Variants in LSMEM2 observed in about 807,000 individuals in gnomAD.
The protein encoded by LSMEM2 is leucine rich single-pass membrane protein 2, also known as leucine-rich single-pass membrane protein 2.
In LSMEM2, 20 loss-of-function variants were observed where a neutral mutation model predicts 17.3. The ratio of observed to expected loss-of-function variants is 1.16; its 90% confidence interval spans 0.81 to 1.68. LSMEM2 has a LOEUF of 1.68. LSMEM2 is among the 40% of genes most tolerant of loss of function. The pLI, the probability that LSMEM2 is intolerant of heterozygous loss-of-function variation, is 0.00. For synonymous variants in LSMEM2, 94 were observed against 97.8 expected, an observed-to-expected ratio of 0.96 and a Z score of 0.23; for missense variants, 207 against 214.3, an observed-to-expected ratio of 0.97 and a Z score of 0.21.
At chr3:50,283,777 C>A (rs1701454014) in intron 1 of LSMEM2, among the ~76,000 whole-genome samples, 1 of 152,126 alleles carries the variant, frequency 6.6e-6, no homozygotes, top group Non-Finnish European at 1.5e-5. Flanking sequence ...CCAGCCAGGG[C>A]AACAGAGACT....
chr3:50,285,859 C>T (rs965102299), intron 1 of LSMEM2, among the ~76,000 whole-genome samples: 5 of 151,814 alleles, frequency 3.3e-5, no homozygotes, highest in African/African-American at 4.8e-5. Flanking sequence ...AAAAGGGGGG[C>T]GGGGACTGCA....
intron 1 of LSMEM2, among the ~76,000 whole-genome samples, chr3:50,282,147 C>T (rs887596406): frequency 3.9e-5 from 6 of 152,188 alleles, no homozygotes; most frequent in Non-Finnish European, 5.9e-5. Context: ...CCACCATGCC[C>T]GGCCCTAATC....
chr3:50,280,006 CT>C (rs1575480521), intron 1 of LSMEM2, among the ~76,000 whole-genome samples: 2 of 151,306 alleles, frequency 1.3e-5, no homozygotes, highest in African/African-American at 2.4e-5. Flanking sequence ...TCCCAAGTAG[CT>C]GGGATTACAG....
At chr3:50,282,417 G>C (rs1269925273) in intron 1 of LSMEM2, among the ~76,000 whole-genome samples, 2 of 152,214 alleles carry the variant, frequency 1.3e-5, no homozygotes, top group African/African-American at 4.8e-5. Context: ...TGGAGGTTGA[G>C]TTACTGTCCT....
intron 1 of LSMEM2, among the ~76,000 whole-genome samples, chr3:50,284,436 T>A (rs1354629279): frequency 6.6e-6 from 1 of 150,932 alleles, no homozygotes; most frequent in Non-Finnish European, 1.5e-5. Context: ...GTAATAGCTT[T>A]AAAAAAAATC....
chr3:50,280,599 T>C (rs1324139597), intron 1 of LSMEM2, among the ~76,000 whole-genome samples: 32 of 149,980 alleles, frequency 2.1e-4, no homozygotes, highest in African/African-American at 7.3e-4. Context: ...TCTTTTCTTT[T>C]TTTTTTTTTT....
chr3:50,287,094 C>G lies in LSMEM2; in HGVS notation c.387C>G (p.Ile129Met). The G allele has an allele frequency of 6.2e-7, 1 of 1,614,172 alleles. No individual in the cohort carries two copies. The highest frequency in any genetic ancestry group is 8.5e-7 in the Non-Finnish European group (1 of 1,180,026). ...TGCTGCAGAGTGAATCCCTGCGCATCCTGGCACACACGCTCCGCACGCAGG... is the reference window on the plus strand; with the variant it reads ...TGCTGCAGAGTGAATCCCTGCGCATGCTGGCACACACGCTCCGCACGCAGG... ...LSVLQSESLR[I>M]LAHTLRTQEE... Residue 129 changes from isoleucine to methionine, a missense_variant, in exon 4 of 4, where the codon ATC becomes ATG. Ile to Met is a conservative substitution (Grantham distance 10). Coordinates refer to ENST00000316436, the MANE Select transcript of LSMEM2 (RefSeq NM_153215.3).
chr3:50,283,199 A>G (rs893461432), intron 1 of LSMEM2, among the ~76,000 whole-genome samples: 1 of 147,224 alleles, frequency 6.8e-6, no homozygotes, highest in African/African-American at 2.5e-5. Flanking sequence ...CAAACAAACA[A>G]ACGAAACACC....
At position 50,287,156 on chromosome 3, in the gene LSMEM2, G is replaced by A. The variant is rs1701569492; in HGVS notation, c.449G>A (p.Ser150Asn). 1 of 1,614,004 alleles carries A rather than the reference G, an allele frequency of 6.2e-7. No individual in the cohort carries two copies. The highest frequency in any genetic ancestry group is 1.3e-5 in the African/African-American group (1 of 74,892). ...CTCAAACTCCGCTTGGCCAGCCTCA[G>A]CCAGCTTCGGAGGCTCAACTCCAGT... ...TLLKLRLASL[S>N]QLRRLNSSEA... Residue 150 changes from serine (S) to asparagine (N), a missense_variant, in exon 4 of 4, where the codon AGC (serine) becomes AAC (asparagine). By Grantham distance (46) the Ser-to-Asn change is conservative. Coordinates refer to ENST00000316436, the MANE Select transcript of LSMEM2 (RefSeq NM_153215.3).
Position 50,287,278 on chromosome 3 carries a change from C to T in LSMEM2, c.*76C>T. 4.5e-6 allele frequency: 7 copies of T among 1,549,408 alleles called. No homozygotes were observed. Among genetic ancestry groups the T allele is most frequent in the Admixed American group, 1.7e-5 (1 of 57,402 alleles). On this transcript the variant is annotated 3_prime_UTR_variant, in exon 4 of 4. Coordinates refer to ENST00000316436, the MANE Select transcript of LSMEM2 (RefSeq NM_153215.3). Reference sequence around the variant, plus strand: ...GTGGCTATGGGCAGGTCTCTCCTTCCCTACTGCTGGCTGCCACATCTACAC... The same window carrying T: ...GTGGCTATGGGCAGGTCTCTCCTTCTCTACTGCTGGCTGCCACATCTACAC...
chr3:50,287,441 G>T lies in LSMEM2; in HGVS notation c.*239G>T. 1 of 579,962 alleles carries T rather than the reference G, an allele frequency of 1.7e-6. No homozygotes were observed. The highest frequency in any genetic ancestry group is 2.0e-5 in the South Asian group (1 of 49,330). 35.9% of individuals were successfully genotyped at this position (579,962 alleles called of 1,614,324 possible). A position where few individuals can be genotyped will look rare whatever the true frequency, so the allele number is the denominator to read the frequency against. ...TTTGGGTGGCCCAAGGTCAGGGGAA[G>T]GGGCACCAGCCTCCTGGCTCCTCCT... On this transcript the variant is annotated 3_prime_UTR_variant, in exon 4 of 4. Transcript: ENST00000316436.
At chr3:50,281,937 C>T (rs587631483) in intron 1 of LSMEM2, among the ~76,000 whole-genome samples, 7 of 151,990 alleles carry the variant, frequency 4.6e-5, no homozygotes, top group African/African-American at 1.7e-4. Context: ...CTGCAAGCTC[C>T]GCCTCCTGGG....
chr3:50,282,632 C>G (rs1175226806), intron 1 of LSMEM2, among the ~76,000 whole-genome samples: 2 of 152,138 alleles, frequency 1.3e-5, no homozygotes, highest in Non-Finnish European at 2.9e-5. Flanking sequence ...TGCCTGTAAA[C>G]CCAGCACTTT....
chr3:50,279,918 C>T lies in LSMEM2; in HGVS notation c.58+747C>T, dbSNP rs149828987. Among the ~76,000 whole-genome samples, 841 of 152,078 alleles carry T rather than the reference C, an allele frequency of 5.5e-3. 8 individuals are homozygous for T. Among genetic ancestry groups the T allele is most frequent in the African/African-American group, 0.019 (794 of 41,452 alleles). On this transcript the variant is annotated intron_variant, in intron 1 of 3. Coordinates refer to ENST00000316436, the MANE Select transcript of LSMEM2 (RefSeq NM_153215.3). ...TGAGATGGAATCTCGCTCTGTCACCCAGGCCGGAGTACAGTGGCGTGATCT... is the reference window on the plus strand; with the variant it reads ...TGAGATGGAATCTCGCTCTGTCACCTAGGCCGGAGTACAGTGGCGTGATCT...
intron 1 of LSMEM2, among the ~76,000 whole-genome samples, chr3:50,280,199 G>A (rs1266650494): frequency 4.0e-4 from 20 of 50,518 alleles, no homozygotes; most frequent in Non-Finnish European, 6.1e-4. Flanking sequence ...TTGTCACCCA[G>A]GCTGGAGTGC....
chr3:50,279,015 C>T, upstream of LSMEM2: 3 of 1,289,616 alleles, frequency 2.3e-6, no homozygotes, highest in Non-Finnish European at 3.4e-6. Flanking sequence ...GCCCAGTGGG[C>T]TGAGCTCAGG....
intron 1 of LSMEM2, among the ~76,000 whole-genome samples, chr3:50,284,203 C>CA (rs1235329401): frequency 0.075 from 3,048 of 40,880 alleles, 467 homozygotes; most frequent in East Asian, 0.6. Context: ...AAGACTGTCT[C>CA]AAAAAAAAAA....
intron 1 of LSMEM2, among the ~76,000 whole-genome samples, chr3:50,284,482 C>T (rs587724972): frequency 6.6e-6 from 1 of 152,000 alleles, no homozygotes; most frequent in South Asian, 2.1e-4. Flanking sequence ...GTAATCCCAG[C>T]ATTTTGAGAG....
intron 1 of LSMEM2, 88 bp downstream of exon 1, chr3:50,279,259 C>T (rs782558370): frequency 1.2e-5 from 15 of 1,253,022 alleles, no homozygotes; most frequent in Non-Finnish European, 1.6e-5. Context: ...TCCCACTGAC[C>T]TCACTGTCTT....
Sources: allele counts gnomAD v4.1 joint callset (sites outside exome capture counted in the v4.1 genomes callset), GRCh38; gene constraint gnomAD v4.1.1; transcripts MANE v1.5; gene names NCBI Gene and HGNC (gene_info 2026-07-23, HGNC 2026-07-21).